Variants in DDHD1 observed in about 807,000 individuals in gnomAD.
The protein encoded by DDHD1 is phospholipase DDHD1.
In DDHD1, 49 loss-of-function variants were observed where a neutral mutation model predicts 96.4. The observed-to-expected ratio is 0.51, with a 90% CI of 0.40 to 0.64. The LOEUF is 0.64. DDHD1 is among the 30% of genes least tolerant of loss of function. The probability of loss-of-function intolerance (pLI) is 0.00; values close to 1 mark genes in which losing one functional copy is unlikely to be tolerated. For synonymous variants in DDHD1, 442 were observed against 446.5 expected, an observed-to-expected ratio of 0.99 and a Z score of 0.13; for missense variants, 1,106 against 1,161.2, an observed-to-expected ratio of 0.95 and a Z score of 0.69.
At chr14:53,091,299 C>A (rs185024607) in intron 4 of DDHD1, among the ~76,000 whole-genome samples, 90 of 152,206 alleles carry the variant, frequency 5.9e-4, no homozygotes, top group African/African-American at 2.1e-3. Flanking sequence ...AGGTAAATAA[C>A]CTGTCTGGTG....
chr14:53,039,355 G>A lies in DDHD1; in HGVS notation c.*7413C>T, dbSNP rs1881483931. On this transcript the variant is annotated 3_prime_UTR_variant, in exon 13 of 13. Coordinates refer to ENST00000673822, the MANE Select transcript of DDHD1 (RefSeq NM_001160148.2). The stretch of plus-strand genomic sequence containing the variant: ...GCCAGCAAATAAAATCCTATGGAAG[G>A]CTTCTGCCCTATCTAGTTAGGGTTC... 1 of 152,184 alleles carries A rather than the reference G, an allele frequency of 6.6e-6. No homozygotes were observed. Among genetic ancestry groups the A allele is most frequent in the Non-Finnish European group, 1.5e-5 (1 of 68,068 alleles). 9.4% of individuals were successfully genotyped at this position (152,184 alleles called of 1,614,324 possible).
At chr14:53,079,868 T>G (rs1454189756) in intron 4 of DDHD1, among the ~76,000 whole-genome samples, 2 of 152,118 alleles carry the variant, frequency 1.3e-5, no homozygotes, top group African/African-American at 4.8e-5. Context: ...TATTTTTTGC[T>G]GATTTTTTTT....
intron 1 of DDHD1, among the ~76,000 whole-genome samples, chr14:53,135,561 A>G (rs1566599032): frequency 6.6e-6 from 1 of 152,218 alleles, no homozygotes; most frequent in Non-Finnish European, 1.5e-5. Context: ...CACACAACAC[A>G]TCTCAATTCT....
intron 1 of DDHD1, among the ~76,000 whole-genome samples, chr14:53,107,860 C>T (rs1468592326): frequency 1.3e-5 from 2 of 152,166 alleles, no homozygotes; most frequent in East Asian, 1.9e-4. Context: ...AGCTCACACC[C>T]GACCAATCAG....
At chr14:53,084,426 T>A (rs1333618118) in intron 4 of DDHD1, among the ~76,000 whole-genome samples, 1 of 152,138 alleles carries the variant, frequency 6.6e-6, no homozygotes, top group African/African-American at 2.4e-5. Context: ...CCAGAGAGAA[T>A]ATACAAGTAA....
intron 3 of DDHD1, 118 bp from the exon 4 acceptor site, chr14:53,092,050 G>C: frequency 1.0e-6 from 1 of 955,690 alleles, no homozygotes; most frequent in Non-Finnish European, 1.5e-6. Flanking sequence ...CACTGGCTGT[G>C]GGGGAGGAAA....
At position 53,038,625 on chromosome 14, in the gene DDHD1, A is replaced by T. The variant is rs1193290265; in HGVS notation, c.*8143T>A. The T allele has an allele frequency of 6.6e-6, 1 of 152,192 alleles. No individual in the cohort carries two copies. Among genetic ancestry groups the T allele is most frequent in the African/African-American group, 2.4e-5 (1 of 41,460 alleles). The allele number at this position is 152,192 out of a possible 1,614,324, so 9.4% of individuals were successfully genotyped here. A position where few individuals can be genotyped will look rare whatever the true frequency, so the allele number is the denominator to read the frequency against. On this transcript the variant is annotated 3_prime_UTR_variant, in exon 13 of 13. Coordinates refer to ENST00000673822, the MANE Select transcript of DDHD1 (RefSeq NM_001160148.2). ...CAATTTACAGAATCAATGCTGTCCT[A>T]TCAAACTACCAACCTCATTTTTCAC...
intron 1 of DDHD1, among the ~76,000 whole-genome samples, chr14:53,118,276 C>A (rs890094674): frequency 6.6e-6 from 1 of 152,184 alleles, no homozygotes; most frequent in African/African-American, 2.4e-5. Flanking sequence ...ATTGCAGCTC[C>A]TCACCAGCAA....
At chr14:53,110,096 C>G (rs1887998186) in intron 1 of DDHD1, among the ~76,000 whole-genome samples, 1 of 152,206 alleles carries the variant, frequency 6.6e-6, no homozygotes, top group Admixed American at 6.5e-5. Flanking sequence ...CTACCCAAGG[C>G]AGAAACCTGG....
chr14:53,128,578 A>G (rs1889631386), intron 1 of DDHD1, among the ~76,000 whole-genome samples: 1 of 152,240 alleles, frequency 6.6e-6, no homozygotes, highest in Admixed American at 6.5e-5. Context: ...TTCAACATAC[A>G]AATTTTGGGG....
At chr14:53,130,049 T>C (rs1380237911) in intron 1 of DDHD1, among the ~76,000 whole-genome samples, 1 of 152,188 alleles carries the variant, frequency 6.6e-6, no homozygotes, top group South Asian at 2.1e-4. Flanking sequence ...TCTGAGTCCT[T>C]TGAATCCTCC....
At chr14:53,104,921 T>C (rs1396641108) in intron 1 of DDHD1, among the ~76,000 whole-genome samples, 1 of 151,980 alleles carries the variant, frequency 6.6e-6, no homozygotes, top group African/African-American at 2.4e-5. Flanking sequence ...TATTTGGAAA[T>C]AAAATATGGA....
chr14:53,101,013 C>A (rs1887255760), intron 2 of DDHD1, among the ~76,000 whole-genome samples: 1 of 152,144 alleles, frequency 6.6e-6, no homozygotes. Flanking sequence ...TTGTCGATTT[C>A]TTTCACAAAA....
chr14:53,090,510 G>A (rs1023806643), intron 4 of DDHD1, among the ~76,000 whole-genome samples: 2 of 152,206 alleles, frequency 1.3e-5, no homozygotes, highest in African/African-American at 4.8e-5. Flanking sequence ...TTAAGAAAAT[G>A]TGACACATAT....
chr14:53,068,128 G>A (rs1884196258), intron 6 of DDHD1, among the ~76,000 whole-genome samples: 1 of 151,532 alleles, frequency 6.6e-6, no homozygotes, highest in South Asian at 2.1e-4. Flanking sequence ...TTTTATTGCA[G>A]TTTCCCCTAT....
At position 53,037,322 on chromosome 14, in the gene DDHD1, A is replaced by C. The variant is rs1054510467; in HGVS notation, c.*9446T>G. ...GTAGATCTGTTTTAAGTTATTTGAGAAATCTCCAAACTGCTTTCCACAGTG... is the reference window on the plus strand; with the variant it reads ...GTAGATCTGTTTTAAGTTATTTGAGCAATCTCCAAACTGCTTTCCACAGTG... On this transcript the variant is annotated 3_prime_UTR_variant, in exon 13 of 13. Coordinates refer to ENST00000673822, the MANE Select transcript of DDHD1 (RefSeq NM_001160148.2). 2 of 152,132 alleles carry C rather than the reference A, an allele frequency of 1.3e-5. No individual in the cohort carries two copies. The highest frequency in any genetic ancestry group is 2.9e-5 in the Non-Finnish European group (2 of 68,002). 9.4% of individuals were successfully genotyped at this position (152,132 alleles called of 1,614,324 possible). A position where few individuals can be genotyped will look rare whatever the true frequency, so the allele number is the denominator to read the frequency against.
rs199956621 is a variant in DDHD1 at position 53,051,832 on chromosome 14, C to A, written c.2521+12G>T. 38 of 1,566,170 alleles carry A rather than the reference C, an allele frequency of 2.4e-5. 1 individual carries two copies. The South Asian group carries it at 4.2e-4, about 17-fold the overall frequency. ...ATAGTATTCTGAATGCTATTCCTGACATATACCATACCGAGGGCATTATCT... is the reference window on the plus strand; with the variant it reads ...ATAGTATTCTGAATGCTATTCCTGAAATATACCATACCGAGGGCATTATCT... On this transcript the variant is annotated intron_variant, in intron 12 of 12. Transcript: ENST00000673822.
At chr14:53,047,089 A>C in intron 12 of DDHD1, 140 bp from the exon 13 acceptor site, 1 of 593,372 alleles carries the variant, frequency 1.7e-6, no homozygotes, top group Non-Finnish European at 2.7e-6. Flanking sequence ...TTCCATTATC[A>C]TCTTAAGAGA....
intron 4 of DDHD1, among the ~76,000 whole-genome samples, chr14:53,078,968 GT>G (rs201859785): frequency 2.7e-5 from 4 of 149,622 alleles, no homozygotes; most frequent in East Asian, 2.0e-4. Context: ...CACATGATGT[GT>G]TTTTTTTTCC....
Sources: allele counts gnomAD v4.1 joint callset (sites outside exome capture counted in the v4.1 genomes callset), GRCh38; gene constraint gnomAD v4.1.1; transcripts MANE v1.5; gene names NCBI Gene and HGNC (gene_info 2026-07-23, HGNC 2026-07-21).